GGH: variants seen among roughly 807,000 people sequenced by gnomAD.
The protein encoded by GGH is gamma-Glu-X carboxypeptidase.
GGH carries 18 observed loss-of-function variants against 39.2 expected under a neutral mutation model. The observed-to-expected ratio is 0.46, with a 90% CI of 0.32 to 0.68. The LOEUF is 0.68. GGH is among the 30% of genes least tolerant of loss of function. The pLI, the probability that GGH is intolerant of heterozygous loss-of-function variation, is 0.04. For missense variants in GGH, 367 were observed against 384.1 expected (o/e 0.96, Z 0.37); for synonymous variants, 147 against 138.8 (o/e 1.06, Z -0.42).
intron 7 of GGH, among the ~76,000 whole-genome samples, chr8:63,022,075 C>T (rs1804597323): frequency 6.6e-6 from 1 of 151,810 alleles, no homozygotes; most frequent in Non-Finnish European, 1.5e-5. Context: ...ATTACAAATA[C>T]CTCCCTTTTT....
rs748442016 is a variant in GGH at position 63,026,181 on chromosome 8, G to T, written c.476C>A (p.Ala159Glu). The part of the protein sequence containing the change: ...LLTATDTVDV[A>E]MPLNFTGGQL... ...ACCTCCAGTGAAGTTCAGCGGCATT[G>T]CCACGTCAACAGTATCTGTGGCAGT... Residue 159 changes from alanine (A) to glutamate (E), a missense_variant, in exon 5 of 9, where the codon GCA becomes GAA. Coordinates refer to ENST00000260118, the MANE Select transcript of GGH (RefSeq NM_003878.3). The T allele has an allele frequency of 1.2e-6, 2 of 1,602,408 alleles. No individual in the cohort carries two copies. The highest frequency in any genetic ancestry group is 2.3e-5 in the South Asian group (2 of 87,952).
chr8:63,022,402 T>A (rs577889255), intron 7 of GGH, among the ~76,000 whole-genome samples: 1 of 152,176 alleles, frequency 6.6e-6, no homozygotes, highest in African/African-American at 2.4e-5. Flanking sequence ...ACCTTTCTTC[T>A]GACACATTTG....
rs192294785 is a variant in GGH, at chr8:63,035,904, T to A, written c.110-134A>T. 3.2e-5 allele frequency: 26 copies of A among 813,868 alleles called. No homozygotes were observed. In the East Asian group the frequency reaches 7.3e-4, roughly 23 times the overall value. The allele number at this position is 813,868 out of a possible 1,614,324, so 50.4% of individuals were successfully genotyped here. ...TTAAATAGGAAGTCTCTCCTCCAAG[T>A]CCACCCATAGCCTATGGGAAAGCAG... On this transcript the variant is annotated intron_variant, in intron 1 of 8. Transcript: ENST00000260118.
chr8:63,036,137 C>T (rs983605540), intron 1 of GGH, among the ~76,000 whole-genome samples: 3 of 152,166 alleles, frequency 2.0e-5, no homozygotes, highest in African/African-American at 7.2e-5. Context: ...TCCCTGACAA[C>T]GAAGCAAAGG....
intron 2 of GGH, 114 bp downstream of exon 2, chr8:63,035,542 T>G: frequency 7.0e-7 from 1 of 1,427,320 alleles, no homozygotes; most frequent in Non-Finnish European, 9.2e-7. Context: ...CTGACCTCAG[T>G]AGTCCACCCG....
chr8:63,020,398 T>C (rs1452850174), intron 7 of GGH, among the ~76,000 whole-genome samples: 1 of 152,216 alleles, frequency 6.6e-6, no homozygotes, highest in Non-Finnish European at 1.5e-5. Flanking sequence ...TCATTCAACA[T>C]CTATGAGCCC....
Position 63,037,169 on chromosome 8 carries a change from G to T in GGH, c.110-1399C>A, listed in dbSNP as rs534248650. Among the ~76,000 whole-genome samples, 7 of 152,274 alleles carry T rather than the reference G, an allele frequency of 4.6e-5. No individual in the cohort carries two copies. In the South Asian group the frequency reaches 1.0e-3, roughly 23 times the overall value. On this transcript the variant is annotated intron_variant, in intron 1 of 8. Transcript: ENST00000260118. ...ACAATTGGCATTCATCAGGTATTCA[G>T]ATTAACATGTCAAACGCCAAAATTT...
chr8:63,017,899 G>A (rs1245384662), intron 7 of GGH: 3 of 311,814 alleles, frequency 9.6e-6, no homozygotes, highest in Non-Finnish European at 1.8e-5. Flanking sequence ...CTGAGCTGAG[G>A]AATCTATCCC....
chr8:63,023,120 A>C (rs571316099), intron 7 of GGH, among the ~76,000 whole-genome samples: 1 of 152,308 alleles, frequency 6.6e-6, no homozygotes, highest in Admixed American at 6.5e-5. Context: ...TCTCAAAAAA[A>C]CTATTTACAT....
At chr8:63,029,290 G>T (rs1804758373) in intron 3 of GGH, among the ~76,000 whole-genome samples, 2 of 152,056 alleles carry the variant, frequency 1.3e-5, no homozygotes, top group Admixed American at 1.3e-4. Context: ...ACACCATCAC[G>T]TGCCTTGCCT....
At chr8:63,023,777 T>G in intron 7 of GGH, 130 bp downstream of exon 7, 1 of 557,284 alleles carries the variant, frequency 1.8e-6, no homozygotes, top group Non-Finnish European at 2.8e-6. Context: ...ACATGTCTCC[T>G]GTCTCCCAAA....
intron 8 of GGH, 61 bp from the exon 9 acceptor site, chr8:63,015,514 T>C: frequency 9.3e-7 from 1 of 1,071,494 alleles, no homozygotes; most frequent in East Asian, 2.5e-5. Flanking sequence ...AGAGACTATT[T>C]TATAATATTT....
intron 7 of GGH, among the ~76,000 whole-genome samples, chr8:63,018,637 G>A (rs74329104): frequency 0.077 from 11,694 of 152,176 alleles, 753 homozygotes; most frequent in East Asian, 0.34. Context: ...CCCCACTTCC[G>A]TGTGACACTG....
intron 7 of GGH, among the ~76,000 whole-genome samples, chr8:63,021,079 C>T (rs1049204992): frequency 1.3e-5 from 2 of 152,162 alleles, no homozygotes; most frequent in East Asian, 3.8e-4. Context: ...ATCACCCCAA[C>T]CTTTCCTTAG....
chr8:63,033,388 C>G (rs1804840959), intron 2 of GGH, among the ~76,000 whole-genome samples: 1 of 152,176 alleles, frequency 6.6e-6, no homozygotes, highest in South Asian at 2.1e-4. Context: ...TTGGGCTTTT[C>G]TGTGTTGAGA....
intron 8 of GGH, among the ~76,000 whole-genome samples, chr8:63,016,373 T>C (rs1037433924): frequency 6.6e-6 from 1 of 152,124 alleles, no homozygotes; most frequent in Admixed American, 6.5e-5. Context: ...CAGCTCTGCA[T>C]GATTCTAAAG....
chr8:63,035,587 G>A (rs929460015), intron 2 of GGH, 69 bp downstream of exon 2: 2 of 1,543,588 alleles, frequency 1.3e-6, no homozygotes, highest in African/African-American at 2.8e-5. Context: ...TTACAGGCAT[G>A]AGGCACCGCA....
At chr8:63,027,027 C>G in intron 4 of GGH, 154 bp downstream of exon 4, 1 of 638,142 alleles carries the variant, frequency 1.6e-6, no homozygotes, top group South Asian at 1.7e-5. Context: ...GGAAAATAGG[C>G]GGGAGCAGCC....
At chr8:63,019,051 C>T (rs1027459636) in intron 7 of GGH, among the ~76,000 whole-genome samples, 1 of 152,056 alleles carries the variant, frequency 6.6e-6, no homozygotes, top group Non-Finnish European at 1.5e-5. Context: ...GAAAAAATAG[C>T]AAATTTACGG....
Sources: gnomAD v4.1 joint callset for allele counts (sites outside exome capture counted in the v4.1 genomes callset) on GRCh38, gnomAD v4.1.1 for gene constraint, MANE v1.5 for transcripts, NCBI Gene and HGNC (gene_info 2026-07-23, HGNC 2026-07-21) for gene names.